CDIN1: variants seen among roughly 807,000 people sequenced by gnomAD.
The protein encoded by CDIN1 is CDAN1-interacting nuclease 1.
Under a neutral mutation model 45.3 loss-of-function variants are expected in CDIN1, and 33 were observed. The ratio of observed to expected loss-of-function variants is 0.73; its 90% CI spans 0.55 to 0.97. The LOEUF (loss-of-function observed/expected upper bound fraction) is 0.97. Ranked by LOEUF, CDIN1 falls within the 50% of genes least tolerant of loss-of-function variation. The pLI is 0.00. For synonymous variants in CDIN1, 118 were observed against 124.4 expected, an observed-to-expected ratio of 0.95 and a Z score of 0.34; for missense variants, 303 against 339.4, an observed-to-expected ratio of 0.89 and a Z score of 0.84.
intron 10 of CDIN1, among the ~76,000 whole-genome samples, chr15:36,771,885 G>A (rs565668802): frequency 4.8e-5 from 7 of 147,124 alleles, no homozygotes; most frequent in African/African-American, 1.0e-4. Context: ...CAGAGATGGC[G>A]CCATTGCACT....
intron 1 of CDIN1, chr15:36,626,774 C>G: frequency 2.8e-6 from 1 of 355,356 alleles, no homozygotes; most frequent in Non-Finnish European, 5.5e-6. Context: ...GTGTGCGTTA[C>G]TGATGATGAT....
chr15:36,769,759 A>G (rs2054019248), intron 10 of CDIN1, among the ~76,000 whole-genome samples: 1 of 152,176 alleles, frequency 6.6e-6, no homozygotes. Flanking sequence ...TGGGCCAAGC[A>G]GTCAGCCTTA....
chr15:36,620,805 G>GT (rs1470731535), intron 1 of CDIN1, among the ~76,000 whole-genome samples: 2 of 77,720 alleles, frequency 2.6e-5, no homozygotes, highest in Non-Finnish European at 5.2e-5. Flanking sequence ...GCTTAATTTT[G>GT]GGGGGGGACT....
At chr15:36,803,148 C>T (rs1337340055) in intron 10 of CDIN1, among the ~76,000 whole-genome samples, 3 of 151,692 alleles carry the variant, frequency 2.0e-5, no homozygotes, top group African/African-American at 7.3e-5. Flanking sequence ...CCAACTCCTT[C>T]AAATATGCAG....
chr15:36,688,698 T>G (rs1244077467), intron 5 of CDIN1, among the ~76,000 whole-genome samples: 3 of 152,150 alleles, frequency 2.0e-5, no homozygotes, highest in Non-Finnish European at 4.4e-5. Context: ...GACACAGGCT[T>G]TCTTGAGGCC....
At chr15:36,768,975 C>A (rs1321508806) in intron 10 of CDIN1, among the ~76,000 whole-genome samples, 1 of 151,884 alleles carries the variant, frequency 6.6e-6, no homozygotes, top group African/African-American at 2.4e-5. Context: ...AGAGAACTGG[C>A]CTGAGATCTG....
At chr15:36,652,194 C>T (rs1312203708) in intron 3 of CDIN1, among the ~76,000 whole-genome samples, 1 of 152,148 alleles carries the variant, frequency 6.6e-6, no homozygotes, top group Non-Finnish European at 1.5e-5. Context: ...ATTTATCTCC[C>T]TGCCTTTTTA....
At chr15:36,767,289 C>A (rs1176157462) in intron 10 of CDIN1, among the ~76,000 whole-genome samples, 1 of 152,130 alleles carries the variant, frequency 6.6e-6, no homozygotes, top group Non-Finnish European at 1.5e-5. Context: ...TCAGTCTGTT[C>A]TCTGTTCCCT....
intron 4 of CDIN1, among the ~76,000 whole-genome samples, chr15:36,656,223 G>A (rs1208282423): frequency 3.3e-5 from 5 of 152,164 alleles, no homozygotes; most frequent in African/African-American, 1.2e-4. Context: ...GACAATTGAT[G>A]TGATGGTAAT....
At chr15:36,720,228 T>G (rs539384533) in intron 10 of CDIN1, among the ~76,000 whole-genome samples, 4 of 142,846 alleles carry the variant, frequency 2.8e-5, no homozygotes, top group East Asian at 4.1e-4. Context: ...TTTTCCAATA[T>G]AAACATTTTA....
At chr15:36,752,815 T>G (rs2053510151) in intron 10 of CDIN1, among the ~76,000 whole-genome samples, 1 of 152,190 alleles carries the variant, frequency 6.6e-6, no homozygotes, top group Non-Finnish European at 1.5e-5. Flanking sequence ...GGTATGTATC[T>G]AAAAACGCAT....
chr15:36,749,910 C>CG (rs1356234474), intron 10 of CDIN1, among the ~76,000 whole-genome samples: 1 of 152,176 alleles, frequency 6.6e-6, no homozygotes, highest in East Asian at 1.9e-4. Context: ...CCAGGTCCCC[C>CG]GACCTTTTGG....
intron 1 of CDIN1, among the ~76,000 whole-genome samples, chr15:36,595,376 GC>G (rs1204648976): frequency 6.7e-6 from 1 of 149,776 alleles, no homozygotes; most frequent in African/African-American, 2.4e-5. Context: ...TTAAGGTTTT[GC>G]CCACTGTACC....
intron 10 of CDIN1, among the ~76,000 whole-genome samples, chr15:36,767,133 A>G (rs913250192): frequency 1.2e-4 from 18 of 151,642 alleles, no homozygotes; most frequent in Admixed American, 6.6e-4. Flanking sequence ...TAAGGGTCCA[A>G]TTTTATTCTT....
chr15:36,769,234 G>C (rs1305532278), intron 10 of CDIN1, among the ~76,000 whole-genome samples: 1 of 152,182 alleles, frequency 6.6e-6, no homozygotes, highest in African/African-American at 2.4e-5. Context: ...CATATATTGA[G>C]AGATTTATTT....
chr15:36,766,530 T>A (rs769611802), intron 10 of CDIN1, among the ~76,000 whole-genome samples: 36 of 152,362 alleles, frequency 2.4e-4, no homozygotes, highest in Middle Eastern at 3.4e-3. Context: ...TCCAACAGCA[T>A]ACAAAGGTTC....
chr15:36,639,836 A>G (rs996937435), intron 1 of CDIN1, among the ~76,000 whole-genome samples: 1 of 152,164 alleles, frequency 6.6e-6, no homozygotes, highest in African/African-American at 2.4e-5. Context: ...TATTTGACCT[A>G]TAGTTATTAA....
intron 1 of CDIN1, among the ~76,000 whole-genome samples, chr15:36,625,237 C>T (rs1314829520): frequency 1.3e-5 from 2 of 151,326 alleles, no homozygotes; most frequent in East Asian, 1.9e-4. Flanking sequence ...GCCGAGATTG[C>T]GCCACTGCAC....
chr15:36,787,388 T>C (rs2054519570), intron 10 of CDIN1, among the ~76,000 whole-genome samples: 1 of 152,238 alleles, frequency 6.6e-6, no homozygotes, highest in African/African-American at 2.4e-5. Context: ...TATTAGTAGC[T>C]GTGCTCTCAT....
Sources: gnomAD v4.1 joint callset for allele counts (sites outside exome capture counted in the v4.1 genomes callset) on GRCh38, gnomAD v4.1.1 for gene constraint, MANE v1.5 for transcripts, NCBI Gene and HGNC (gene_info 2026-07-23, HGNC 2026-07-21) for gene names.